Variants in SAMD12 observed in about 807,000 individuals in gnomAD.
SAMD12 encodes the protein sterile alpha motif domain-containing protein 12.
SAMD12 carries 9 observed loss-of-function variants against 15.0 expected under a neutral mutation model. That is an observed-to-expected ratio of 0.60 (90% CI 0.36 to 1.05). The LOEUF is 1.05. SAMD12 is among the 50% of genes least tolerant of loss of function. The pLI is 0.01. For missense variants in SAMD12, 230 were observed against 234.2 expected, an observed-to-expected ratio of 0.98 and a Z score of 0.12; for synonymous variants, 86 against 90.1, an observed-to-expected ratio of 0.96 and a Z score of 0.25.
intron 2 of SAMD12, among the ~76,000 whole-genome samples, chr8:118,496,912 G>A (rs75468523): frequency 0.022 from 3,310 of 151,262 alleles, 105 homozygotes; most frequent in African/African-American, 0.073. Context: ...AATGGGCAGA[G>A]GACATGAACA....
In SAMD12 at chr8:118,445,564, G is replaced by A. The variant is rs7013355; in HGVS notation, c.193-5603C>T. ...AGAATACATATCCCCTTAGGTGAAAGAAAGATAAATATACATAGTGCATTT... is the reference window on the plus strand; with the variant it reads ...AGAATACATATCCCCTTAGGTGAAAAAAAGATAAATATACATAGTGCATTT... On this transcript the variant is annotated intron_variant, in intron 2 of 3. Coordinates refer to ENST00000314727, the MANE Select transcript of SAMD12 (RefSeq NM_207506.3). 5.1e-3 allele frequency among the ~76,000 whole-genome samples: 778 copies of A among 152,210 alleles called. 8 individuals carry two copies. The highest frequency in any genetic ancestry group is 0.018 in the African/African-American group (746 of 41,556).
chr8:118,571,396 G>T (rs961161765), intron 2 of SAMD12, among the ~76,000 whole-genome samples: 1 of 152,238 alleles, frequency 6.6e-6, no homozygotes. Flanking sequence ...ATTTTCTGGG[G>T]AGAAATTCAA....
At chr8:118,555,898 G>A (rs1253248766) in intron 2 of SAMD12, among the ~76,000 whole-genome samples, 1 of 152,326 alleles carries the variant, frequency 6.6e-6, no homozygotes, top group Non-Finnish European at 1.5e-5. Context: ...CTTGAGGAGT[G>A]TGTCAATTTG....
intron 2 of SAMD12, among the ~76,000 whole-genome samples, chr8:118,446,648 T>A (rs1822923570): frequency 6.6e-6 from 1 of 152,184 alleles, no homozygotes; most frequent in African/African-American, 2.4e-5. Context: ...TAATAAACAT[T>A]AATGCTTCAA....
At chr8:118,448,947 A>C (rs1203449185) in intron 2 of SAMD12, among the ~76,000 whole-genome samples, 3 of 152,166 alleles carry the variant, frequency 2.0e-5, no homozygotes, top group Non-Finnish European at 4.4e-5. Context: ...TCCCACATAT[A>C]ATGTTTACCG....
chr8:118,457,222 CTTT>C (rs796704911), intron 2 of SAMD12, among the ~76,000 whole-genome samples: 13 of 140,738 alleles, frequency 9.2e-5, no homozygotes, highest in Admixed American at 3.5e-4. Context: ...CTCTCTCTCT[CTTT>C]TTTTTTTTTT....
intron 4 of SAMD12, among the ~76,000 whole-genome samples, chr8:118,221,507 T>TA: frequency 6.6e-6 from 1 of 151,358 alleles, no homozygotes; most frequent in Non-Finnish European, 1.5e-5. Context: ...TGGCAAGAAG[T>TA]AAAAAATAAA....
At chr8:118,280,621 C>T (rs1048530392) in intron 4 of SAMD12, among the ~76,000 whole-genome samples, 1 of 152,226 alleles carries the variant, frequency 6.6e-6, no homozygotes, top group East Asian at 1.9e-4. Flanking sequence ...TGGTATATTA[C>T]CTTCCAAAAG....
chr8:118,429,711 T>A (rs1051738731), intron 3 of SAMD12, among the ~76,000 whole-genome samples: 2 of 152,086 alleles, frequency 1.3e-5, no homozygotes, highest in Admixed American at 6.6e-5. Flanking sequence ...CTGGCCAACA[T>A]TGTGAAATCC....
intron 2 of SAMD12, among the ~76,000 whole-genome samples, chr8:118,493,765 G>A (rs1308417294): frequency 6.6e-6 from 1 of 152,126 alleles, no homozygotes; most frequent in Non-Finnish European, 1.5e-5. Context: ...GCAACCTTGG[G>A]TGGAACACTC....
intron 2 of SAMD12, among the ~76,000 whole-genome samples, chr8:118,469,447 GCCCACAAGTATACAC>G (rs1823696739): frequency 9.2e-6 from 1 of 109,110 alleles, no homozygotes; most frequent in Non-Finnish European, 1.8e-5. Flanking sequence ...TAGGGATCTA[GCCCACAAGTATACAC>G]ATTTATACAG....
intron 3 of SAMD12, among the ~76,000 whole-genome samples, chr8:118,431,692 G>C (rs915490488): frequency 0.027 from 3,439 of 126,780 alleles, 120 homozygotes; most frequent in African/African-American, 0.12. Context: ...TTTGTCGTGT[G>C]TGTGTGTGTG....
At chr8:118,341,163 G>C (rs1817345856) in intron 4 of SAMD12, among the ~76,000 whole-genome samples, 1 of 152,082 alleles carries the variant, frequency 6.6e-6, no homozygotes, top group African/African-American at 2.4e-5. Flanking sequence ...TCTTCCTCTA[G>C]GGCCTCTTCA....
At chr8:118,490,876 A>G (rs1207011828) in intron 2 of SAMD12, among the ~76,000 whole-genome samples, 1 of 152,152 alleles carries the variant, frequency 6.6e-6, no homozygotes, top group African/African-American at 2.4e-5. Context: ...CTGGGAAATG[A>G]AGCCTTTTCT....
chr8:118,545,843 T>A (rs992976999), intron 2 of SAMD12, among the ~76,000 whole-genome samples: 1 of 152,210 alleles, frequency 6.6e-6, no homozygotes, highest in African/African-American at 2.4e-5. Flanking sequence ...TTGGTTAATC[T>A]GTGGTTACAT....
At chr8:118,385,628 A>C (rs945554365) in intron 3 of SAMD12, among the ~76,000 whole-genome samples, 1 of 152,154 alleles carries the variant, frequency 6.6e-6, no homozygotes, top group East Asian at 1.9e-4. Flanking sequence ...GTTTCTCTGG[A>C]GAACACTAAC....
intron 4 of SAMD12, among the ~76,000 whole-genome samples, chr8:118,321,695 C>T (rs1816293857): frequency 6.6e-6 from 1 of 152,094 alleles, no homozygotes; most frequent in African/African-American, 2.4e-5. Flanking sequence ...CAGCATAATG[C>T]AGTGTGTAGG....
intron 2 of SAMD12, among the ~76,000 whole-genome samples, chr8:118,497,561 G>A (rs1824652583): frequency 1.3e-5 from 2 of 151,954 alleles, no homozygotes; most frequent in Admixed American, 6.5e-5. Flanking sequence ...CACCAGGGCC[G>A]ACTTGACAGG....
the SAMD12 span, among the ~76,000 whole-genome samples, chr8:118,174,162 C>A: frequency 1.3e-5 from 2 of 152,136 alleles, no homozygotes; most frequent in Admixed American, 1.3e-4. Context: ...TTTACCTATC[C>A]TGTGGGATTG....
Sources: allele counts gnomAD v4.1 joint callset (sites outside exome capture counted in the v4.1 genomes callset), GRCh38; gene constraint gnomAD v4.1.1; transcripts MANE v1.5; gene names NCBI Gene and HGNC (gene_info 2026-07-23, HGNC 2026-07-21).